PDZD2: variants seen among roughly 807,000 people sequenced by gnomAD.
The protein encoded by PDZD2 is PDZ domain-containing protein 2.
PDZD2 carries 90 observed loss-of-function variants against 220.7 expected under a neutral mutation model. That is an observed-to-expected ratio of 0.41 (90% confidence interval 0.34 to 0.49). The LOEUF (loss-of-function observed/expected upper bound fraction) is 0.49, where lower values mean the gene tolerates loss of function less well. Ranked by LOEUF, PDZD2 falls within the 20% of genes least tolerant of loss-of-function variation. The pLI is 0.28. For synonymous variants in PDZD2, 1,375 were observed against 1,450.5 expected, an observed-to-expected ratio of 0.95 and a Z score of 1.18; for missense variants, 3,174 against 3,608.5, an observed-to-expected ratio of 0.88 and a Z score of 3.08.
intron 6 of PDZD2, among the ~76,000 whole-genome samples, chr5:32,027,886 G>A (rs1754798370): frequency 6.6e-6 from 1 of 152,124 alleles, no homozygotes; most frequent in Admixed American, 6.5e-5. Flanking sequence ...CTTGGAAAAT[G>A]AGCTTCCTTT....
chr5:31,713,165 T>C (rs532241474), intron 1 of PDZD2, among the ~76,000 whole-genome samples: 2 of 152,330 alleles, frequency 1.3e-5, no homozygotes, highest in South Asian at 4.1e-4. Context: ...TGCTCTGGTC[T>C]CACCAGAAGG....
At chr5:32,103,223 A>G (rs957811060) in intron 24 of PDZD2, among the ~76,000 whole-genome samples, 1 of 152,160 alleles carries the variant, frequency 6.6e-6, no homozygotes, top group East Asian at 1.9e-4. Context: ...GGGCAAAACA[A>G]TCTGAATGTA....
At chr5:31,797,223 G>C (rs545402776) in intron 1 of PDZD2, among the ~76,000 whole-genome samples, 1 of 150,914 alleles carries the variant, frequency 6.6e-6, no homozygotes, top group Non-Finnish European at 1.5e-5. Flanking sequence ...GATTACAGGC[G>C]TGAGCCACTG....
At chr5:32,057,590 C>A in intron 10 of PDZD2, 65 bp from the exon 11 acceptor site, 2 of 917,856 alleles carry the variant, frequency 2.2e-6, no homozygotes, top group Non-Finnish European at 3.5e-6. Context: ...ATAAGTCTGA[C>A]TGAGCAGTTA....
chr5:31,731,905 AC>A (rs1469719361), intron 1 of PDZD2, among the ~76,000 whole-genome samples: 3 of 152,088 alleles, frequency 2.0e-5, no homozygotes, highest in Non-Finnish European at 4.4e-5. Context: ...TTCTGTGTTT[AC>A]CTTTTTGAGG....
chr5:31,677,761 A>C (rs1408915714), intron 1 of PDZD2, among the ~76,000 whole-genome samples: 11 of 152,198 alleles, frequency 7.2e-5, no homozygotes, highest in African/African-American at 1.9e-4. Flanking sequence ...AGCAAGACAA[A>C]AAAGAGTACA....
At chr5:31,980,778 T>C (rs1750227812) in intron 2 of PDZD2, among the ~76,000 whole-genome samples, 1 of 152,024 alleles carries the variant, frequency 6.6e-6, no homozygotes, top group Non-Finnish European at 1.5e-5. Flanking sequence ...GACTAGTGGA[T>C]GGTGTTTGTT....
At chr5:32,041,087 GC>G (rs1756090019) in intron 7 of PDZD2, among the ~76,000 whole-genome samples, 1 of 141,532 alleles carries the variant, frequency 7.1e-6, no homozygotes, top group Non-Finnish European at 1.5e-5. Context: ...CTGTCCGGCC[GC>G]CCCATCTAGG....
chr5:31,752,068 G>GTTTTTTTTTTTTTTTTTTTTT lies in PDZD2; in HGVS notation c.-360-46821_-360-46820insTTTTTTTTTTTTTTTTTTTTT, dbSNP rs1251840861. On this transcript the variant is annotated intron_variant, in intron 1 of 24. Coordinates refer to ENST00000438447, the MANE Select transcript of PDZD2 (RefSeq NM_178140.4). ...TTTGTTTGTTTGTTTTATTGTTTTGGGTTTGTTTTTTTTTTTTTTTTTCTG... is the reference window on the plus strand; with the variant it reads ...TTTGTTTGTTTGTTTTATTGTTTTGGTTTTTTTTTTTTTTTTTTTTTGTTTGTTTTTTTTTTTTTTTTTCTG... Among the ~76,000 whole-genome samples the GTTTTTTTTTTTTTTTTTTTTT allele has an allele frequency of 1.4e-3, 137 of 95,930 alleles. 39 individuals carry two copies. Among genetic ancestry groups the GTTTTTTTTTTTTTTTTTTTTT allele is most frequent in the African/African-American group, 1.9e-3 (41 of 22,064 alleles). The allele number at this position is 95,930 out of a possible 152,430, so 62.9% of individuals were successfully genotyped here.
intron 1 of PDZD2, among the ~76,000 whole-genome samples, chr5:31,730,554 T>TTGTGTGTGTG (rs35119904): frequency 7.1e-6 from 1 of 140,422 alleles, no homozygotes; most frequent in African/African-American, 2.7e-5. Flanking sequence ...CACCAGGAGT[T>TTGTGTGTGTG]TGTGTGTGTG....
intron 2 of PDZD2, among the ~76,000 whole-genome samples, chr5:31,811,408 C>T (rs1469325104): frequency 6.6e-6 from 1 of 152,220 alleles, no homozygotes; most frequent in Non-Finnish European, 1.5e-5. Context: ...TAATAGCTGA[C>T]TCATCCCTCA....
intron 3 of PDZD2, 30 bp downstream of exon 3, chr5:31,983,686 A>G: frequency 6.3e-7 from 1 of 1,585,972 alleles, no homozygotes; most frequent in Non-Finnish European, 8.6e-7. Flanking sequence ...TGGAACCAGA[A>G]TTTTATTTAT....
At chr5:31,805,824 G>C (rs187455979) in intron 2 of PDZD2, among the ~76,000 whole-genome samples, 12 of 152,282 alleles carry the variant, frequency 7.9e-5, no homozygotes, top group Non-Finnish European at 1.3e-4. Context: ...CAGGATAACT[G>C]TTGTCTTTAT....
At chr5:31,752,073 G>GTTTTTTTTTTTTTTTTTTTTTTTTTTTTT (rs3032803) in intron 1 of PDZD2, among the ~76,000 whole-genome samples, 2 of 95,064 alleles carry the variant, frequency 2.1e-5, no homozygotes, top group Admixed American at 1.6e-4. Flanking sequence ...TTTTGGGTTT[G>GTTTTTTTTTTTTTTTTTTTTTTTTTTTTT]TTTTTTTTTT....
chr5:31,764,566 G>A (rs1751871494), intron 1 of PDZD2, among the ~76,000 whole-genome samples: 1 of 152,128 alleles, frequency 6.6e-6, no homozygotes, highest in Non-Finnish European at 1.5e-5. Context: ...GAAATCTGAT[G>A]GCAGAAAGGA....
chr5:31,811,362 C>T (rs897421947), intron 2 of PDZD2, among the ~76,000 whole-genome samples: 11 of 152,182 alleles, frequency 7.2e-5, no homozygotes, highest in Non-Finnish European at 1.3e-4. Flanking sequence ...ATCTTTGAGT[C>T]ACAGAAACTT....
chr5:31,806,170 C>T (rs1245149075), intron 2 of PDZD2, among the ~76,000 whole-genome samples: 4 of 152,110 alleles, frequency 2.6e-5, no homozygotes, highest in African/African-American at 4.8e-5. Context: ...CACTTTAGAG[C>T]ACTGTGGATG....
intron 2 of PDZD2, among the ~76,000 whole-genome samples, chr5:31,865,419 C>T (rs1241787088): frequency 6.6e-6 from 1 of 151,398 alleles, no homozygotes; most frequent in African/African-American, 2.4e-5. Flanking sequence ...CCCAAGTGAT[C>T]CTGCCACCTG....
intron 2 of PDZD2, among the ~76,000 whole-genome samples, chr5:31,889,361 C>T (rs1581002500): frequency 6.6e-6 from 1 of 152,214 alleles, no homozygotes; most frequent in Admixed American, 6.5e-5. Flanking sequence ...TAACACTTGG[C>T]CAGGGGAGGA....
Sources: gnomAD v4.1 joint callset for allele counts (sites outside exome capture counted in the v4.1 genomes callset) on GRCh38, gnomAD v4.1.1 for gene constraint, MANE v1.5 for transcripts, NCBI Gene and HGNC (gene_info 2026-07-23, HGNC 2026-07-21) for gene names.